TLE4: variants seen among roughly 807,000 people sequenced by gnomAD.
TLE4 encodes TLE family member 4, transcriptional corepressor.
A neutral mutation model predicts 92.8 loss-of-function variants in TLE4; 8 were observed. That is an observed-to-expected ratio of 0.09 (90% CI 0.05 to 0.16). The LOEUF is 0.16. TLE4 is among the 10% of genes least tolerant of loss of function. The pLI, the probability that TLE4 is intolerant of heterozygous loss-of-function variation, is 1.00. For synonymous variants in TLE4, 371 were observed against 374.1 expected (o/e 0.99, Z 0.10); for missense variants, 675 against 997.6 (o/e 0.68, Z 4.36).
At chr9:79,697,983 G>C (rs1201298877) in intron 8 of TLE4, among the ~76,000 whole-genome samples, 1 of 152,158 alleles carries the variant, frequency 6.6e-6, no homozygotes, top group African/African-American at 2.4e-5. Flanking sequence ...TGTTGAATGA[G>C]TCCATAAGCA....
chr9:79,649,709 C>A, intron 6 of TLE4: 2 of 839,852 alleles, frequency 2.4e-6, no homozygotes, highest in Non-Finnish European at 3.4e-6. Flanking sequence ...TAAAACCAAA[C>A]AAGGACCTCA....
In TLE4 at chr9:79,680,116, A is replaced by G. The variant is rs563653810; in HGVS notation, c.610-24667A>G. Among the ~76,000 whole-genome samples, 43 of 152,238 alleles carry G rather than the reference A, an allele frequency of 2.8e-4. No homozygotes were observed. In the South Asian group the frequency reaches 8.3e-3, roughly 29 times the overall value. On this transcript the variant is annotated intron_variant, in intron 8 of 19. Transcript: ENST00000376552. ...GTGATGCAGGCTCTTTTTTGGTTCCATATGAACTTTAAAGTAGTTTTTTCC... is the reference window on the plus strand; with the variant it reads ...GTGATGCAGGCTCTTTTTTGGTTCCGTATGAACTTTAAAGTAGTTTTTTCC...
rs138250379 is a variant in TLE4 at position 79,591,133 on chromosome 9, T to G, written c.252+14956T>G. On this transcript the variant is annotated intron_variant, in intron 4 of 19. Coordinates refer to ENST00000376552, the MANE Select transcript of TLE4 (RefSeq NM_007005.6). The stretch of plus-strand genomic sequence containing the variant: ...TGCCTCCATGGAGAATCTAGTCTTT[T>G]TACTTCATTTGGACCACTGTAAAAA... Among the ~76,000 whole-genome samples the G allele has an allele frequency of 7.9e-4, 120 of 152,302 alleles. 1 individual carries two copies. The highest frequency in any genetic ancestry group is 2.7e-3 in the African/African-American group (112 of 41,556).
intron 8 of TLE4, among the ~76,000 whole-genome samples, chr9:79,676,498 T>C (rs1465402942): frequency 6.6e-6 from 1 of 152,132 alleles, no homozygotes; most frequent in African/African-American, 2.4e-5. Flanking sequence ...TAAGATGTCC[T>C]TTTCTGGAGG....
chr9:79,718,648 ATC>A, intron 14 of TLE4, 72 bp from the exon 15 acceptor site: 1 of 1,498,298 alleles, frequency 6.7e-7, no homozygotes, highest in South Asian at 1.3e-5. Context: ...TTTATTTCTC[ATC>A]TCATTACACT....
chr9:79,691,718 CAGG>C (rs1410616390), intron 8 of TLE4, among the ~76,000 whole-genome samples: 1 of 152,188 alleles, frequency 6.6e-6, no homozygotes, highest in Non-Finnish European at 1.5e-5. Context: ...TTCTGGCTGT[CAGG>C]AGGTTTGGCT....
chr9:79,576,224 C>A (rs775507662), intron 4 of TLE4, 47 bp downstream of exon 4: 10 of 1,335,444 alleles, frequency 7.5e-6, no homozygotes, highest in Non-Finnish European at 1.0e-5. Context: ...AATACTGGGA[C>A]ACTATGAAAA....
chr9:79,704,863 A>T lies in TLE4; in HGVS notation c.690A>T (p.Lys230Asn). The change falls in exon 9 of 20, where the codon AAA becomes AAT. Residue 230 changes from lysine to asparagine, a missense_variant. Lys to Asn is a moderately conservative substitution (Grantham distance 94). This residue lies in a region of TLE4 where 280 missense variants were observed against 287.3 expected (regional missense o/e 0.97). Transcript: ENST00000376552. ...RNSADYSSES[K>N]KQKTEEKEIA... ...CCGCAGACTACTCCTCAGAGAGCAA[A>T]AAGCAGAAAACTGAAGAAAAGGAAA... is the stretch of plus-strand genomic sequence containing the variant. 2 of 1,614,178 alleles carry T rather than the reference A, an allele frequency of 1.2e-6. No homozygotes were observed. The highest frequency in any genetic ancestry group is 1.7e-6 in the Non-Finnish European group (2 of 1,180,034).
chr9:79,708,927 G>T, intron 13 of TLE4, 141 bp downstream of exon 13: 1 of 1,017,310 alleles, frequency 9.8e-7, no homozygotes, highest in Non-Finnish European at 1.4e-6. Flanking sequence ...TGCCTCCTGG[G>T]CTTAAGCGAT....
chr9:79,573,223 G>C, intron 1 of TLE4: 1 of 1,009,680 alleles, frequency 9.9e-7, no homozygotes, highest in Non-Finnish European at 1.2e-6. Flanking sequence ...TGGAAGTGCG[G>C]GGCGCCGGCC....
At chr9:79,583,478 G>C (rs1330820533) in intron 4 of TLE4, among the ~76,000 whole-genome samples, 1 of 152,178 alleles carries the variant, frequency 6.6e-6, no homozygotes, top group Non-Finnish European at 1.5e-5. Context: ...CCCGGTGCGA[G>C]ACAATACTCT....
At chr9:79,573,827 C>T (rs755849081) in intron 2 of TLE4, 41 bp downstream of exon 2, 1 of 1,421,598 alleles carries the variant, frequency 7.0e-7, no homozygotes, top group Non-Finnish European at 9.7e-7. Flanking sequence ...GTTTGCTTAG[C>T]TCTTGTCTCC....
chr9:79,646,604 C>G (rs1276443991), intron 6 of TLE4, among the ~76,000 whole-genome samples: 4 of 151,974 alleles, frequency 2.6e-5, no homozygotes, highest in African/African-American at 7.2e-5. Flanking sequence ...ATTGACTAAC[C>G]CTTATCAGTT....
At chr9:79,582,918 T>C (rs1281386519) in intron 4 of TLE4, among the ~76,000 whole-genome samples, 1 of 152,022 alleles carries the variant, frequency 6.6e-6, no homozygotes, top group Non-Finnish European at 1.5e-5. Context: ...GGCAATGGAG[T>C]ATTTACACTG....
intron 5 of TLE4, among the ~76,000 whole-genome samples, chr9:79,619,909 C>T (rs1439591899): frequency 6.6e-6 from 1 of 152,152 alleles, no homozygotes; most frequent in Non-Finnish European, 1.5e-5. Flanking sequence ...GTAATTCTGT[C>T]CCATATTCCG....
At chr9:79,596,909 T>C (rs1365437146) in intron 4 of TLE4, among the ~76,000 whole-genome samples, 2 of 152,234 alleles carry the variant, frequency 1.3e-5, no homozygotes, top group African/African-American at 4.8e-5. Context: ...GATTTGGGAC[T>C]GCACAGCTGT....
At chr9:79,718,072 G>A (rs1299206018) in intron 14 of TLE4, 7 of 456,418 alleles carry the variant, frequency 1.5e-5, no homozygotes, top group South Asian at 3.1e-5. Flanking sequence ...ATACTCACAG[G>A]TAGGCCTTTG....
rs1260079921 is a variant in TLE4 at position 79,718,855 on chromosome 9, G to A, written c.1474G>A (p.Ala492Thr). Residue 492 changes from alanine (A) to threonine (T), a missense_variant, in exon 15 of 20, where the codon GCG becomes ACG. Ala to Thr is a moderately conservative substitution (Grantham distance 58). Coordinates refer to ENST00000376552, the MANE Select transcript of TLE4 (RefSeq NM_007005.6). ...NTLNHGEVVC[A>T]VTISNPTRHV... ...CCTCAACCACGGGGAGGTGGTGTGC[G>A]CGGTGACCATCAGCAACCCCACGAG... 19 of 1,614,018 alleles carry A rather than the reference G, an allele frequency of 1.2e-5. No individual in the cohort carries two copies. Among genetic ancestry groups the A allele is most frequent in the Non-Finnish European group, 1.4e-5 (17 of 1,180,042 alleles).
In TLE4 at chr9:79,722,993, T is replaced by A; in HGVS notation, c.2172T>A (p.Leu724=). The change falls in exon 19 of 20, where the codon CTT becomes CTA. Residue 724 remains leucine (L), a synonymous_variant. Transcript: ENST00000376552. ...KWFVSTGKDN[L]LNAWRTPYGA... ...TTGTAAGCACTGGAAAGGACAACCT[T>A]CTGAATGCCTGGAGAACACCTTATG... 1 of 1,614,228 alleles carries A rather than the reference T, an allele frequency of 6.2e-7. No individual in the cohort carries two copies. Among genetic ancestry groups the A allele is most frequent in the Non-Finnish European group, 8.5e-7 (1 of 1,180,040 alleles).
Sources: allele counts gnomAD v4.1 joint callset (sites outside exome capture counted in the v4.1 genomes callset), GRCh38; gene constraint gnomAD v4.1.1; regional missense constraint gnomAD v4.1.1; transcripts MANE v1.5; gene names NCBI Gene and HGNC (gene_info 2026-07-23, HGNC 2026-07-21).